Variants in TYR observed in about 807,000 individuals in gnomAD.
TYR encodes the protein tyrosinase, also known as LB24-AB.
Under a neutral mutation model 51.5 loss-of-function variants are expected in TYR, and 58 were observed. The observed-to-expected ratio is 1.13, with a 90% CI of 0.91 to 1.40. The LOEUF is 1.40. Ranked by LOEUF, TYR falls within the 40% of genes most tolerant of loss-of-function variation. The pLI, the probability that TYR is intolerant of heterozygous loss-of-function variation, is 0.00. For synonymous variants in TYR, 263 were observed against 235.2 expected, an observed-to-expected ratio of 1.12 and a Z score of -1.08; for missense variants, 732 against 647.4, an observed-to-expected ratio of 1.13 and a Z score of -1.42.
intron 2 of TYR, among the ~76,000 whole-genome samples, chr11:89,202,170 A>G (rs1488271173): frequency 1.3e-5 from 2 of 152,158 alleles, no homozygotes; most frequent in African/African-American, 4.8e-5. Context: ...TTATCAATAC[A>G]AAGAGCACAC....
At chr11:89,214,139 A>C (rs1305098549) in intron 2 of TYR, among the ~76,000 whole-genome samples, 1 of 152,250 alleles carries the variant, frequency 6.6e-6, no homozygotes, top group African/African-American at 2.4e-5. Flanking sequence ...ATCAGAGTGA[A>C]CAGGCAACCT....
intron 3 of TYR, among the ~76,000 whole-genome samples, chr11:89,273,677 AT>A (rs1480617002): frequency 2.6e-5 from 4 of 151,938 alleles, no homozygotes; most frequent in Non-Finnish European, 4.4e-5. Flanking sequence ...TAATATCCAC[AT>A]AAAGCAATAA....
rs1048125489 is a variant in TYR, at chr11:89,183,860, T to C, written c.819+5088T>C. ...GTCTTGTTTTCAAAAATAATTATGA[T>C]AGTTGTCATTATTAAACACTTTACA... On this transcript the variant is annotated intron_variant, in intron 1 of 4. Coordinates refer to ENST00000263321, the MANE Select transcript of TYR (RefSeq NM_000372.5). Among the ~76,000 whole-genome samples the C allele has an allele frequency of 3.3e-5, 5 of 152,168 alleles. 1 individual carries two copies. The highest frequency in any genetic ancestry group is 1.3e-4 in the Admixed American group (2 of 15,272).
chr11:89,222,482 T>C (rs1488918371), intron 2 of TYR, among the ~76,000 whole-genome samples: 3 of 152,220 alleles, frequency 2.0e-5, no homozygotes, highest in Non-Finnish European at 2.9e-5. Flanking sequence ...CTCACGCCTG[T>C]AATCCCAGCA....
chr11:89,188,692 T>C (rs566561756), intron 1 of TYR, among the ~76,000 whole-genome samples: 13 of 152,174 alleles, frequency 8.5e-5, no homozygotes, highest in African/African-American at 3.1e-4. Context: ...AGGCTGAATA[T>C]GATGTTAAAT....
At position 89,220,435 on chromosome 11, in the gene TYR, G is replaced by C. The variant is rs1454555029; in HGVS notation, c.1037-7388G>C. ...CCATGATCAAATCACCTTCCACCAG[G>C]TCCCACCTCCAAAAGTGGGGATTAC... is the stretch of plus-strand genomic sequence containing the variant. On this transcript the variant is annotated intron_variant, in intron 2 of 4. Transcript: ENST00000263321. Among the ~76,000 whole-genome samples, 3 of 152,050 alleles carry C rather than the reference G, an allele frequency of 2.0e-5. No individual in the cohort carries two copies. In the South Asian group the frequency reaches 6.2e-4, roughly 32 times the overall value.
intron 3 of TYR, among the ~76,000 whole-genome samples, chr11:89,283,265 A>G (rs1322388831): frequency 6.6e-6 from 1 of 151,868 alleles, no homozygotes; most frequent in Non-Finnish European, 1.5e-5. Flanking sequence ...AGTGTGTTCA[A>G]GTTCAGATCC....
intron 1 of TYR, among the ~76,000 whole-genome samples, chr11:89,187,048 A>G (rs1943383853): frequency 6.6e-6 from 1 of 152,066 alleles, no homozygotes; most frequent in Admixed American, 6.6e-5. Context: ...AGTCTGTAGT[A>G]TTTTCTTATG....
intron 2 of TYR, among the ~76,000 whole-genome samples, chr11:89,218,950 T>G (rs1943871623): frequency 6.6e-6 from 1 of 152,202 alleles, no homozygotes; most frequent in African/African-American, 2.4e-5. Flanking sequence ...TATCACTTAC[T>G]AGTTAAATGA....
chr11:89,199,061 T>A (rs556866172), intron 2 of TYR, among the ~76,000 whole-genome samples: 45 of 152,156 alleles, frequency 3.0e-4, no homozygotes, highest in Non-Finnish European at 5.6e-4. Flanking sequence ...GTTTCCAGCT[T>A]CATCCATGTC....
chr11:89,220,305 G>C (rs1455473302), intron 2 of TYR, among the ~76,000 whole-genome samples: 1 of 152,116 alleles, frequency 6.6e-6, no homozygotes, highest in African/African-American at 2.4e-5. Context: ...GTGAAGGGTA[G>C]CAGGTGCCAC....
intron 1 of TYR, among the ~76,000 whole-genome samples, chr11:89,180,017 C>T (rs1044001605): frequency 5.9e-5 from 9 of 152,046 alleles, no homozygotes; most frequent in Non-Finnish European, 1.2e-4. Flanking sequence ...TGGCCTTCTC[C>T]GCCCAACCAA....
At chr11:89,270,175 T>C (rs142269787) in intron 3 of TYR, among the ~76,000 whole-genome samples, 91 of 151,992 alleles carry the variant, frequency 6.0e-4, no homozygotes, top group African/African-American at 2.1e-3. Flanking sequence ...TTTCAATCCA[T>C]CTGATCTACT....
At chr11:89,200,882 C>T (rs569482551) in intron 2 of TYR, among the ~76,000 whole-genome samples, 1 of 152,128 alleles carries the variant, frequency 6.6e-6, no homozygotes, top group African/African-American at 2.4e-5. Context: ...ATGGTAATTT[C>T]CTCAGAGTTT....
intron 2 of TYR, among the ~76,000 whole-genome samples, chr11:89,193,361 T>A (rs1259541660): frequency 6.6e-6 from 1 of 151,858 alleles, no homozygotes; most frequent in African/African-American, 2.4e-5. Flanking sequence ...ATGTGTCAAC[T>A]CAGCCAGTGG....
chr11:89,213,946 A>G (rs1176693559), intron 2 of TYR, among the ~76,000 whole-genome samples: 2 of 152,252 alleles, frequency 1.3e-5, no homozygotes, highest in Non-Finnish European at 2.9e-5. Context: ...TTAACTCAAT[A>G]TGGATTAAAG....
intron 2 of TYR, among the ~76,000 whole-genome samples, chr11:89,217,996 C>T (rs1024394699): frequency 3.3e-5 from 5 of 152,088 alleles, no homozygotes; most frequent in East Asian, 1.9e-4. Context: ...GAAGAATCAT[C>T]GACCTCTTCT....
At chr11:89,266,173 C>T (rs570869369) in intron 3 of TYR, among the ~76,000 whole-genome samples, 1 of 151,932 alleles carries the variant, frequency 6.6e-6, no homozygotes, top group African/African-American at 2.4e-5. Context: ...TTAGGCTAGA[C>T]TTTAACACAT....
At chr11:89,273,521 G>T (rs569098055) in intron 3 of TYR, among the ~76,000 whole-genome samples, 1 of 151,908 alleles carries the variant, frequency 6.6e-6, no homozygotes, top group African/African-American at 2.4e-5. Context: ...CATAATAAGA[G>T]ATTTAGTAAT....
Sources: allele counts gnomAD v4.1 joint callset (sites outside exome capture counted in the v4.1 genomes callset), GRCh38; gene constraint gnomAD v4.1.1; transcripts MANE v1.5; gene names NCBI Gene and HGNC (gene_info 2026-07-23, HGNC 2026-07-21).